The following ATF6 variants were observed in gnomAD, a reference collection of about 807,000 sequenced individuals.
The protein encoded by ATF6 is cyclic AMP-dependent transcription factor ATF-6 alpha.
Under a neutral mutation model 83.6 loss-of-function variants are expected in ATF6, and 53 were observed. The ratio of observed to expected loss-of-function variants is 0.63; its 90% CI spans 0.51 to 0.80. The LOEUF is 0.80. Among genes scored for constraint, ATF6 ranks in the 30% least tolerant of loss-of-function variants. The pLI, the probability that ATF6 is intolerant of heterozygous loss-of-function variation, is 0.00. For missense variants in ATF6, 744 were observed against 797.9 expected (o/e 0.93, Z 0.81); for synonymous variants, 288 against 285.8 (o/e 1.01, Z -0.08).
rs141451520 is a variant in ATF6 at position 161,905,123 on chromosome 1, A to G, written c.1720-7173A>G. On this transcript the variant is annotated intron_variant, in intron 14 of 15. Transcript: ENST00000367942. ...TGCAAGGAGAGTTAACTTTAGAAAT[A>G]TATATTACATGAAACCCCTTTTTTT... is the stretch of plus-strand genomic sequence containing the variant. Among the ~76,000 whole-genome samples, 1,516 of 152,232 alleles carry G rather than the reference A, an allele frequency of 1.0e-2. 14 individuals carry two copies. Among genetic ancestry groups the G allele is most frequent in the South Asian group, 0.025 (118 of 4,814 alleles).
At chr1:161,951,016 T>C (rs904719842) in intron 15 of ATF6, among the ~76,000 whole-genome samples, 13 of 152,188 alleles carry the variant, frequency 8.5e-5, no homozygotes, top group Admixed American at 5.2e-4. Context: ...ATACCATTAG[T>C]CTTTGAACTT....
intron 15 of ATF6, among the ~76,000 whole-genome samples, chr1:161,933,822 G>T (rs1455597720): frequency 6.6e-6 from 1 of 152,008 alleles, no homozygotes; most frequent in Non-Finnish European, 1.5e-5. Context: ...AGTTTTTCTT[G>T]CTCCTCCCCA....
intron 15 of ATF6, among the ~76,000 whole-genome samples, chr1:161,924,497 G>T (rs1178134115): frequency 6.6e-6 from 1 of 152,090 alleles, no homozygotes; most frequent in Non-Finnish European, 1.5e-5. Context: ...TTGCTTTGGG[G>T]ATCTTGAGTA....
At chr1:161,921,687 G>T (rs1416228928) in intron 15 of ATF6, among the ~76,000 whole-genome samples, 1 of 152,194 alleles carries the variant, frequency 6.6e-6, no homozygotes, top group Non-Finnish European at 1.5e-5. Context: ...AGATGTCATT[G>T]GTGGGTATTT....
chr1:161,777,446 A>C (rs1684541556), intron 1 of ATF6, among the ~76,000 whole-genome samples: 1 of 152,212 alleles, frequency 6.6e-6, no homozygotes, highest in Admixed American at 6.5e-5. Flanking sequence ...TTGTGCACTG[A>C]GGAAATCATC....
At chr1:161,802,415 C>A (rs1685177499) in intron 7 of ATF6, 143 bp downstream of exon 7, 1 of 725,534 alleles carries the variant, frequency 1.4e-6, no homozygotes, top group Admixed American at 2.8e-5. Flanking sequence ...AATTGCACAT[C>A]TAGTCTTTGG....
rs748899840 is a variant in ATF6 at position 161,791,456 on chromosome 1, T to C, written c.403T>C (p.Tyr135His). Residue 135 changes from tyrosine (Y) to histidine (H), a missense_variant, in exon 5 of 16, where the codon TAT (tyrosine) becomes CAT (histidine). Tyr to His is a moderately conservative substitution (Grantham distance 83). Coordinates refer to ENST00000367942, the MANE Select transcript of ATF6 (RefSeq NM_007348.4). Reference sequence around the variant, plus strand: ...TTCTCAGATGTCTCCCCTTTCCTTATATGGTGAAAACTCTAATAGTCTCTC... The same window carrying C: ...TTCTCAGATGTCTCCCCTTTCCTTACATGGTGAAAACTCTAATAGTCTCTC... ...SSSQMSPLSLYGENSNSLSSA... is the reference protein window; with the variant it reads ...SSSQMSPLSLHGENSNSLSSA... 5 of 1,612,570 alleles carry C rather than the reference T, an allele frequency of 3.1e-6. No homozygotes were observed. Among genetic ancestry groups the C allele is most frequent in the African/African-American group, 1.3e-5 (1 of 74,870 alleles).
At chr1:161,783,083 CCTCTTTGT>C (rs1348913482) in intron 3 of ATF6, among the ~76,000 whole-genome samples, 1 of 152,142 alleles carries the variant, frequency 6.6e-6, no homozygotes, top group Non-Finnish European at 1.5e-5. Flanking sequence ...CTGCATAGGG[CCTCTTTGT>C]GTGGCGTGGT....
At chr1:161,803,302 G>A (rs780423360) in intron 7 of ATF6, among the ~76,000 whole-genome samples, 1 of 152,120 alleles carries the variant, frequency 6.6e-6, no homozygotes, top group African/African-American at 2.4e-5. Flanking sequence ...CATAACAAAG[G>A]AATATTGTCT....
At chr1:161,899,152 A>G (rs1443325727) in intron 14 of ATF6, among the ~76,000 whole-genome samples, 2 of 152,238 alleles carry the variant, frequency 1.3e-5, no homozygotes, top group East Asian at 3.8e-4. Context: ...TGAAGTTTCT[A>G]CACTGTTTTC....
chr1:161,927,863 A>C (rs1688348224), intron 15 of ATF6, among the ~76,000 whole-genome samples: 1 of 152,252 alleles, frequency 6.6e-6, no homozygotes, highest in East Asian at 1.9e-4. Flanking sequence ...TACTGTTGGA[A>C]TAATAAGAGT....
chr1:161,928,412 T>C (rs1688363218), intron 15 of ATF6, among the ~76,000 whole-genome samples: 1 of 152,174 alleles, frequency 6.6e-6, no homozygotes, highest in Admixed American at 6.5e-5. Context: ...ATCCTGGAGT[T>C]TCCATGATAA....
At chr1:161,938,577 A>G (rs1490611248) in intron 15 of ATF6, among the ~76,000 whole-genome samples, 3 of 152,232 alleles carry the variant, frequency 2.0e-5, no homozygotes, top group Admixed American at 2.0e-4. Flanking sequence ...AAGTTAGTAG[A>G]AGAAAGTCAT....
At chr1:161,837,524 G>A (rs183760853) in intron 9 of ATF6, among the ~76,000 whole-genome samples, 120 of 152,172 alleles carry the variant, frequency 7.9e-4, no homozygotes, top group African/African-American at 2.9e-3. Flanking sequence ...ATGTACAGAC[G>A]ATCTATGTAC....
At chr1:161,780,562 A>G (rs1411380772) in intron 2 of ATF6, among the ~76,000 whole-genome samples, 1 of 151,890 alleles carries the variant, frequency 6.6e-6, no homozygotes, top group East Asian at 1.9e-4. Flanking sequence ...TTTAGTAGAG[A>G]TGGGGTTTCA....
At position 161,869,432 on chromosome 1, in the gene ATF6, T is replaced by C. The variant is rs555653988; in HGVS notation, c.1719+6120T>C. ...AAAGGGTACAGCTCCTTCTTTTGTT[T>C]CTGAGACCTCAAAACTTGAGTGTAC... On this transcript the variant is annotated intron_variant, in intron 14 of 15. Transcript: ENST00000367942. Among the ~76,000 whole-genome samples, 72 of 152,098 alleles carry C rather than the reference T, an allele frequency of 4.7e-4. 2 individuals are homozygous for C. The South Asian group carries it at 0.015, about 31-fold the overall frequency.
chr1:161,875,635 G>T (rs1192371267), intron 14 of ATF6, among the ~76,000 whole-genome samples: 1 of 151,812 alleles, frequency 6.6e-6, no homozygotes, highest in Non-Finnish European at 1.5e-5. Flanking sequence ...TGAAGTGGTA[G>T]ATTCACTAAT....
At chr1:161,888,058 T>C (rs1687465643) in intron 14 of ATF6, among the ~76,000 whole-genome samples, 1 of 152,176 alleles carries the variant, frequency 6.6e-6, no homozygotes, top group Admixed American at 6.5e-5. Context: ...CTATCAACCA[T>C]CACTCTCATT....
intron 11 of ATF6, among the ~76,000 whole-genome samples, chr1:161,852,402 G>C (rs147140108): frequency 6.6e-6 from 1 of 151,992 alleles, no homozygotes; most frequent in Non-Finnish European, 1.5e-5. Flanking sequence ...CTTTTATTTC[G>C]TGTGTTGAAA....
Sources: allele counts gnomAD v4.1 joint callset (sites outside exome capture counted in the v4.1 genomes callset), GRCh38; gene constraint gnomAD v4.1.1; transcripts MANE v1.5; gene names NCBI Gene and HGNC (gene_info 2026-07-23, HGNC 2026-07-21).